PPIE: variants seen among roughly 807,000 people sequenced by gnomAD.
The protein encoded by PPIE is peptidylprolyl isomerase E, also known as peptidyl-prolyl cis-trans isomerase E.
In PPIE, 20 loss-of-function variants were observed where a neutral mutation model predicts 38.4. That is an observed-to-expected ratio of 0.52 (90% CI 0.37 to 0.76). The LOEUF is 0.76. PPIE is among the 30% of genes least tolerant of loss of function. PPIE has a pLI of 0.00. For synonymous variants in PPIE, 142 were observed against 135.7 expected (o/e 1.05, Z -0.32); for missense variants, 322 against 385.8 (o/e 0.83, Z 1.39).
chr1:39,760,949 C>T (rs1421872276), downstream of PPIE, among the ~76,000 whole-genome samples: 1 of 152,104 alleles, frequency 6.6e-6, no homozygotes, highest in Non-Finnish European at 1.5e-5. Flanking sequence ...CCACTTTCTT[C>T]TTTTGGCCCT....
chr1:39,755,402 C>G lies in PPIE; in HGVS notation c.*2047C>G. 1.0e-6 allele frequency: 1 copy of G among 985,458 alleles called. No homozygotes were observed. Among genetic ancestry groups the G allele is most frequent in the Non-Finnish European group, 1.2e-6 (1 of 829,926 alleles). 61.0% of individuals were successfully genotyped at this position (985,458 alleles called of 1,614,324 possible). ...TGGACTTTGTGAGCTCCAGCTGCTA[C>G]AGTTGACTGAGTTCAGGCTCCATGT... On this transcript the variant is annotated 3_prime_UTR_variant, in exon 10 of 10. Coordinates refer to ENST00000324379, the MANE Select transcript of PPIE (RefSeq NM_006112.4).
chr1:39,740,310 C>A, intron 2 of PPIE, 47 bp downstream of exon 2: 1 of 1,478,382 alleles, frequency 6.8e-7, no homozygotes, highest in Non-Finnish European at 9.4e-7. Flanking sequence ...TAGGAAAATA[C>A]CTTAAAAAAT....
intron 1 of PPIE, among the ~76,000 whole-genome samples, chr1:39,739,675 C>G (rs1647009773): frequency 6.6e-6 from 1 of 152,100 alleles, no homozygotes; most frequent in African/African-American, 2.4e-5. Flanking sequence ...CAAGGCCGTT[C>G]ACTGCAAGGG....
At chr1:39,740,286 C>T (rs1388795610) in intron 2 of PPIE, 23 bp downstream of exon 2, 2 of 1,567,072 alleles carry the variant, frequency 1.3e-6, no homozygotes, top group Non-Finnish European at 1.8e-6. Context: ...CTCTCACGTT[C>T]AGAATCCTCT....
chr1:39,751,071 G>A (rs982442892), intron 8 of PPIE, among the ~76,000 whole-genome samples: 2 of 152,340 alleles, frequency 1.3e-5, no homozygotes, highest in South Asian at 4.1e-4. Flanking sequence ...GTACTCAAAC[G>A]CAGCAGTTAG....
chr1:39,748,505 A>G, intron 7 of PPIE: 1 of 192,556 alleles, frequency 5.2e-6, no homozygotes, highest in Admixed American at 5.3e-5. Context: ...TGGGAGGCCA[A>G]GGTGGGCGGA....
chr1:39,762,985 G>A, intron 9 of PPIE: 1 of 1,350,320 alleles, frequency 7.4e-7, no homozygotes, highest in Non-Finnish European at 1.0e-6. Flanking sequence ...AAAGCCCCCT[G>A]AGACGCGGAG....
Position 39,754,101 on chromosome 1 carries a change from A to G in PPIE, c.*746A>G. 1 of 979,740 alleles carries G rather than the reference A, an allele frequency of 1.0e-6. No homozygotes were observed. The allele number at this position is 979,740 out of a possible 1,614,324, so 60.7% of individuals were successfully genotyped here. ...TTGTCAGGAGACAGGAAGCCAACAA[A>G]CTACATGTGCCTAATCCAGCCCACT... On this transcript the variant is annotated 3_prime_UTR_variant, in exon 10 of 10. Transcript: ENST00000324379.
chr1:39,755,287 A>T lies in PPIE; in HGVS notation c.*1932A>T, dbSNP rs1569721874. On this transcript the variant is annotated 3_prime_UTR_variant, in exon 10 of 10. Coordinates refer to ENST00000324379, the MANE Select transcript of PPIE (RefSeq NM_006112.4). ...TTGAGATCTGGATGAGCCAGGAGGC[A>T]GGAGAGGCTAGGTGGTCCTCATGAC... is the stretch of plus-strand genomic sequence containing the variant. 1 of 985,476 alleles carries T rather than the reference A, an allele frequency of 1.0e-6. No homozygotes were observed. Among genetic ancestry groups the T allele is most frequent in the Non-Finnish European group, 1.2e-6 (1 of 829,934 alleles). 61.0% of individuals were successfully genotyped at this position (985,476 alleles called of 1,614,324 possible).
intron 8 of PPIE, among the ~76,000 whole-genome samples, chr1:39,750,741 C>T (rs1025475290): frequency 6.6e-6 from 1 of 152,142 alleles, no homozygotes; most frequent in African/African-American, 2.4e-5. Flanking sequence ...TTGCTGTCTC[C>T]TTCTTTTCCT....
At chr1:39,746,264 C>T (rs1290555993) in intron 7 of PPIE, 3 of 152,102 alleles carry the variant, frequency 2.0e-5, no homozygotes, top group Non-Finnish European at 4.4e-5. Flanking sequence ...ATGTGATAAC[C>T]TCCTTTCATG....
chr1:39,741,532 A>G, intron 3 of PPIE, 123 bp downstream of exon 3: 1 of 1,005,880 alleles, frequency 9.9e-7, no homozygotes, highest in Non-Finnish European at 1.6e-6. Flanking sequence ...GAGAGATCAG[A>G]AGTAAGTGCT....
intron 3 of PPIE, 146 bp from the exon 4 acceptor site, chr1:39,741,749 G>A (rs1482598324): frequency 1.2e-6 from 1 of 844,494 alleles, no homozygotes; most frequent in African/African-American, 1.7e-5. Flanking sequence ...CAGCCAGGAA[G>A]TGCTCTTTGT....
chr1:39,748,029 C>T (rs1647314211), intron 7 of PPIE: 1 of 152,122 alleles, frequency 6.6e-6, no homozygotes, highest in Non-Finnish European at 1.5e-5. Flanking sequence ...AACCCTTGAC[C>T]TCCAGTGATC....
rs1406052790 is a variant in PPIE, at chr1:39,742,485, T to A, written c.201+564T>A. 3 of 137,730 alleles carry A rather than the reference T, an allele frequency of 2.2e-5. No individual in the cohort carries two copies. In the Admixed American group the frequency reaches 2.3e-4, roughly 11 times the overall value. The allele number at this position is 137,730 out of a possible 1,614,324, so 8.5% of individuals were successfully genotyped here. On this transcript the variant is annotated intron_variant, in intron 4 of 9. Transcript: ENST00000324379. ...TACTTCAGTGCCTGTTACTTTTCTT[T>A]CTTTCTTTTTTTTTTTTTTTTTTTT...
At chr1:39,747,665 T>C (rs1337737952) in intron 7 of PPIE, 1 of 151,928 alleles carries the variant, frequency 6.6e-6, no homozygotes, top group Non-Finnish European at 1.5e-5. Context: ...GGTTTCACCA[T>C]GTTGGTTGGC....
intron 4 of PPIE, 22 bp from the exon 5 acceptor site, chr1:39,743,194 G>C (rs929859298): frequency 1.2e-6 from 2 of 1,609,914 alleles, no homozygotes; most frequent in Admixed American, 1.7e-5. Context: ...AGTTTAAGCA[G>C]CTGGATTTTC....
At chr1:39,753,216 G>T (rs1647933621) in intron 9 of PPIE, 71 bp from the exon 10 acceptor site, 1 of 1,595,288 alleles carries the variant, frequency 6.3e-7, no homozygotes. Flanking sequence ...CAAATGGGCA[G>T]GCAGGGGTTG....
intron 9 of PPIE, chr1:39,762,642 T>C: frequency 1.3e-6 from 2 of 1,544,166 alleles, no homozygotes; most frequent in Non-Finnish European, 1.7e-6. Flanking sequence ...CTGCCTGCGG[T>C]GCGGCACAGG....
Sources: allele counts gnomAD v4.1 joint callset (sites outside exome capture counted in the v4.1 genomes callset), GRCh38; gene constraint gnomAD v4.1.1; transcripts MANE v1.5; gene names NCBI Gene and HGNC (gene_info 2026-07-23, HGNC 2026-07-21).